The following TASOR2 variants were observed in gnomAD, a reference collection of about 807,000 sequenced individuals.
TASOR2 encodes transcription activation suppressor family member 2, also known as protein TASOR 2.
A neutral mutation model predicts 199.5 loss-of-function variants in TASOR2; 84 were observed. That is an observed-to-expected ratio of 0.42 (90% CI 0.35 to 0.50). The LOEUF (loss-of-function observed/expected upper bound fraction) is 0.50. Ranked by LOEUF, TASOR2 falls within the 20% of genes least tolerant of loss-of-function variation. The pLI, the probability that TASOR2 is intolerant of heterozygous loss-of-function variation, is 0.02. For synonymous variants in TASOR2, 1,103 were observed against 1,046.6 expected, an observed-to-expected ratio of 1.05 and a Z score of -1.04; for missense variants, 2,796 against 2,835.9, an observed-to-expected ratio of 0.99 and a Z score of 0.32.
Position 5,749,401 on chromosome 10 carries a change from G to T in TASOR2, c.5980G>T (p.Asp1994Tyr), listed in dbSNP as rs76593109. 5.5e-4 allele frequency: 888 copies of T among 1,614,232 alleles called. 2 individuals carry two copies. The African/African-American group carries it at 0.011, about 20-fold the overall frequency. The change falls in exon 15 of 21, where the codon GAT (aspartate) becomes TAT (tyrosine). Residue 1994 changes from aspartate (D) to tyrosine (Y), a missense_variant. Coordinates refer to ENST00000328090, the Ensembl canonical transcript of TASOR2. ...ACTAAAACAGACCATAAAGAATGGG[G>T]ATTCTCAGCATTCTGCCTCCTCTGC...
In TASOR2 at chr10:5,702,218, TC is replaced by T. The variant is rs1237928759; in HGVS notation, c.-287-10604del. ...GCGTTTTCAGCATCTGTTGAAGTAA[TC>T]ATGGTTTTTGTTCTTAGTTCTGTTA... On this transcript the variant is annotated intron_variant, in intron 1 of 20. Transcript: ENST00000328090. Among the ~76,000 whole-genome samples, 4 of 152,208 alleles carry T rather than the reference TC, an allele frequency of 2.6e-5. No homozygotes were observed. The East Asian group carries it at 7.7e-4, about 29-fold the overall frequency.
At position 5,755,507 on chromosome 10, in the gene TASOR2, G is replaced by C. The variant is rs183220801; in HGVS notation, c.6607-1106G>C. On this transcript the variant is annotated intron_variant, in intron 15 of 20. Coordinates refer to ENST00000328090, the Ensembl canonical transcript of TASOR2. ...GTGAATCACTTGAACCCAGGAGGCA[G>C]GGGTTGCAGTGAGCCGAGATTTCAC... Among the ~76,000 whole-genome samples the C allele has an allele frequency of 1.5e-4, 23 of 152,162 alleles. 1 individual carries two copies. In the East Asian group the frequency reaches 3.7e-3, roughly 24 times the overall value.
At chr10:5,713,298 A>T (rs554356103) in intron 2 of TASOR2, among the ~76,000 whole-genome samples, 5 of 152,068 alleles carry the variant, frequency 3.3e-5, no homozygotes, top group Admixed American at 2.0e-4. Flanking sequence ...GATTTGGGAG[A>T]TAAATCATGT....
intron 1 of TASOR2, among the ~76,000 whole-genome samples, chr10:5,697,415 TA>T (rs1837296274): frequency 6.6e-6 from 1 of 152,230 alleles, no homozygotes. Context: ...AACTTATTCA[TA>T]TCCAGAATCA....
At chr10:5,739,318 G>A (rs1836052535) in intron 12 of TASOR2, among the ~76,000 whole-genome samples, 1 of 139,596 alleles carries the variant, frequency 7.2e-6, no homozygotes, top group African/African-American at 2.7e-5. Flanking sequence ...GTTTTTGAAG[G>A]ATAATTTCTT....
In TASOR2 at chr10:5,720,503, C is replaced by G. The variant is rs1833216684; in HGVS notation, c.-99-41C>G. ...AGAAAAACTTGGTACATATGCAGTT[C>G]CATAGTGCTACCCTGATAATACTTA... On this transcript the variant is annotated intron_variant, in intron 3 of 20. Transcript: ENST00000328090. The surrounding 1 kb of genome is among the most constrained non-coding windows in gnomAD (Gnocchi z 5.3). The G allele has an allele frequency of 6.7e-7, 1 of 1,491,170 alleles. No individual in the cohort carries two copies. The highest frequency in any genetic ancestry group is 8.9e-7 in the Non-Finnish European group (1 of 1,123,408). 92.4% of individuals were successfully genotyped at this position (1,491,170 alleles called of 1,614,324 possible). A position where few individuals can be genotyped will look rare whatever the true frequency, so the allele number is the denominator to read the frequency against.
intron 3 of TASOR2, among the ~76,000 whole-genome samples, chr10:5,718,392 TAA>T (rs59475949): frequency 6.6e-4 from 91 of 137,474 alleles, no homozygotes; most frequent in Non-Finnish European, 9.6e-4. Context: ...GACCTTTAAT[TAA>T]AAAAAAAAAA....
At chr10:5,715,181 G>A (rs950968437) in intron 2 of TASOR2, among the ~76,000 whole-genome samples, 6 of 151,444 alleles carry the variant, frequency 4.0e-5, no homozygotes, top group African/African-American at 1.5e-4. Context: ...GATCAGAACT[G>A]AGAAAGATTA....
At chr10:5,711,970 T>C (rs1831976120) in intron 1 of TASOR2, among the ~76,000 whole-genome samples, 1 of 150,520 alleles carries the variant, frequency 6.6e-6, no homozygotes, top group Admixed American at 6.6e-5. Flanking sequence ...ATGTAAAGAG[T>C]AAGTTTATCA....
At chr10:5,736,404 C>T (rs944935597) in intron 12 of TASOR2, among the ~76,000 whole-genome samples, 2 of 131,068 alleles carry the variant, frequency 1.5e-5, no homozygotes, top group South Asian at 2.7e-4. Context: ...GGCGACAGAG[C>T]GAGACTCCGT....
rs373191838 is a variant in TASOR2 at position 5,748,547 on chromosome 10, G to A, written c.5126G>A (p.Gly1709Asp). Residue 1709 changes from glycine to aspartate, a missense_variant, in exon 15 of 21, where the codon GGT becomes GAT. Transcript: ENST00000328090. This position sits in a 1 kb window ranked among gnomAD's most constrained non-coding sequence, Gnocchi z 5.1. ...GCTGAGTTACATAAAGAAACCACAG[G>A]TCCAGGCACTGCTGGCCCTCAGTCC... 1.2e-6 allele frequency: 2 copies of A among 1,613,218 alleles called. No individual in the cohort carries two copies. Among genetic ancestry groups the A allele is most frequent in the African/African-American group, 2.7e-5 (2 of 74,926 alleles).
In TASOR2 at chr10:5,687,743, C is replaced by A. The variant is rs1290845679; in HGVS notation, c.-288+2568C>A. 6.6e-6 allele frequency among the ~76,000 whole-genome samples: 1 copy of A among 152,224 alleles called. No homozygotes were observed. The highest frequency in any genetic ancestry group is 1.9e-4 in the East Asian group (1 of 5,200). ...GCCGAGACAAGAGAATCACTTGAAC[C>A]TGGGAGACAGGTTGCAGTGAGCCAA... On this transcript the variant is annotated intron_variant, in intron 1 of 20. Transcript: ENST00000328090. The surrounding 1 kb of genome is among the most constrained non-coding windows in gnomAD (Gnocchi z 4.8).
chr10:5,758,746 A>T, intron 17 of TASOR2, 141 bp from the exon 19 acceptor site: 2 of 631,894 alleles, frequency 3.2e-6, no homozygotes, highest in Admixed American at 2.8e-5. Context: ...CCAACCACAT[A>T]AGTGACAGTG....
intron 1 of TASOR2, among the ~76,000 whole-genome samples, chr10:5,688,383 A>G (rs1197954609): frequency 7.0e-6 from 1 of 142,594 alleles, no homozygotes; most frequent in Admixed American, 7.5e-5. Context: ...CACCAGGCCC[A>G]GCTAATTTTT....
chr10:5,743,163 C>G (rs1564336364), intron 14 of TASOR2, among the ~76,000 whole-genome samples: 1 of 152,134 alleles, frequency 6.6e-6, no homozygotes, highest in Non-Finnish European at 1.5e-5. Flanking sequence ...AATTACCTAC[C>G]TTTTAAAGTT....
rs1206644649 is a variant in TASOR2 at position 5,698,298 on chromosome 10, G to C, written c.-288+13123G>C. ...TTGAGGGAAGATGAGAGATAGGAGA[G>C]TGAGGGCCACCCCAGCTGAGTTAAG... On this transcript the variant is annotated intron_variant, in intron 1 of 20. Coordinates refer to ENST00000328090, the Ensembl canonical transcript of TASOR2. This position sits in a 1 kb window ranked among gnomAD's most constrained non-coding sequence, Gnocchi z 4.4. 6.6e-6 allele frequency among the ~76,000 whole-genome samples: 1 copy of C among 152,200 alleles called. No homozygotes were observed. The highest frequency in any genetic ancestry group is 1.5e-5 in the Non-Finnish European group (1 of 68,034).
intron 1 of TASOR2, among the ~76,000 whole-genome samples, chr10:5,696,400 A>C (rs762673821): frequency 5.9e-5 from 9 of 152,194 alleles, no homozygotes; most frequent in Non-Finnish European, 1.2e-4. Context: ...TCTGTCACCC[A>C]GATTGAAGTG....
exon 15 of TASOR2, chr10:5,747,392 G>A (rs1246557854): frequency 6.2e-6 from 10 of 1,614,034 alleles, no homozygotes; most frequent in African/African-American, 2.7e-5. Flanking sequence ...GAGGAAATAG[G>A]TGAACCGGAA....
chr10:5,718,619 C>T (rs911535418), intron 3 of TASOR2, among the ~76,000 whole-genome samples: 1 of 151,820 alleles, frequency 6.6e-6, no homozygotes, highest in African/African-American at 2.4e-5. Context: ...ATTAGCCTGA[C>T]GTGGTGGCGG....
Sources: allele counts gnomAD v4.1 joint callset (sites outside exome capture counted in the v4.1 genomes callset), GRCh38; gene constraint gnomAD v4.1.1; non-coding constraint Gnocchi (gnomAD v3.1); transcripts MANE v1.5; gene names NCBI Gene and HGNC (gene_info 2026-07-23, HGNC 2026-07-21).